The following PDE10A variants were observed in gnomAD, a reference collection of about 807,000 sequenced individuals.
The protein encoded by PDE10A is cAMP and cAMP-inhibited cGMP 3',5'-cyclic phosphodiesterase 10A.
Under a neutral mutation model 97.7 loss-of-function variants are expected in PDE10A, and 39 were observed. The observed-to-expected ratio is 0.40, with a 90% CI of 0.31 to 0.52. The LOEUF (loss-of-function observed/expected upper bound fraction) is 0.52. Among genes scored for constraint, PDE10A ranks in the 20% least tolerant of loss-of-function variants. PDE10A has a pLI of 0.56. For missense variants in PDE10A, 731 were observed against 1,047.8 expected (o/e 0.70, Z 4.17); for synonymous variants, 371 against 376.8 (o/e 0.98, Z 0.18).
intron 1 of PDE10A, among the ~76,000 whole-genome samples, chr6:165,784,883 G>A (rs1366829198): frequency 6.6e-6 from 1 of 152,210 alleles, no homozygotes; most frequent in Non-Finnish European, 1.5e-5. Context: ...AGGGGGAGTT[G>A]GGGCTGAGAC....
intron 1 of PDE10A, among the ~76,000 whole-genome samples, chr6:165,933,634 ACT>A (rs1485706206): frequency 6.6e-6 from 1 of 152,098 alleles, no homozygotes; most frequent in African/African-American, 2.4e-5. Flanking sequence ...CCCTGAGGAA[ACT>A]CTCCCTGGTT....
At chr6:165,726,395 T>C (rs994309332) in intron 1 of PDE10A, among the ~76,000 whole-genome samples, 2 of 152,252 alleles carry the variant, frequency 1.3e-5, no homozygotes, top group Admixed American at 1.3e-4. Flanking sequence ...TCAACATTTA[T>C]ATAAATAGCT....
At chr6:165,850,141 G>A (rs994613072) in intron 1 of PDE10A, among the ~76,000 whole-genome samples, 1 of 152,240 alleles carries the variant, frequency 6.6e-6, no homozygotes, top group South Asian at 2.1e-4. Flanking sequence ...GTGTGAAACC[G>A]TGCTGATCCG....
At chr6:165,914,750 T>C (rs376885638) in intron 1 of PDE10A, among the ~76,000 whole-genome samples, 101 of 152,354 alleles carry the variant, frequency 6.6e-4, no homozygotes, top group African/African-American at 2.3e-3. Flanking sequence ...AGTGTGTTTG[T>C]CATCTCATAA....
At chr6:165,603,680 T>C (rs944147824) in intron 1 of PDE10A, among the ~76,000 whole-genome samples, 2 of 152,354 alleles carry the variant, frequency 1.3e-5, no homozygotes, top group African/African-American at 4.8e-5. Context: ...CTGTGTCCTA[T>C]GCGCAGAGCG....
intron 1 of PDE10A, among the ~76,000 whole-genome samples, chr6:165,563,346 G>A (rs1041605138): frequency 6.6e-6 from 1 of 152,014 alleles, no homozygotes; most frequent in Non-Finnish European, 1.5e-5. Context: ...ATAAACTTAA[G>A]CAATTTGCTT....
chr6:165,530,350 C>T (rs1464183632), intron 2 of PDE10A, among the ~76,000 whole-genome samples: 4 of 150,684 alleles, frequency 2.7e-5, no homozygotes, highest in Non-Finnish European at 5.9e-5. Flanking sequence ...AAACAACCAC[C>T]AAGAAAGTGG....
chr6:165,607,781 A>T (rs1787281616), intron 1 of PDE10A, among the ~76,000 whole-genome samples: 1 of 152,134 alleles, frequency 6.6e-6, no homozygotes, highest in Admixed American at 6.5e-5. Context: ...GCACGTGTTT[A>T]ACAGCATCAA....
chr6:165,634,620 G>GA (rs1554298456), intron 1 of PDE10A, among the ~76,000 whole-genome samples: 6 of 152,116 alleles, frequency 3.9e-5, no homozygotes, highest in Non-Finnish European at 7.4e-5. Flanking sequence ...ACAGAAGCAG[G>GA]AAAGGAGATA....
intron 1 of PDE10A, among the ~76,000 whole-genome samples, chr6:165,784,170 A>C (rs1183454386): frequency 6.6e-6 from 1 of 151,924 alleles, no homozygotes; most frequent in Non-Finnish European, 1.5e-5. Context: ...CAGTGAGCCA[A>C]GATGACACCA....
intron 1 of PDE10A, among the ~76,000 whole-genome samples, chr6:165,737,054 G>A (rs959451957): frequency 6.6e-6 from 1 of 152,086 alleles, no homozygotes; most frequent in African/African-American, 2.4e-5. Context: ...TGAAACAATA[G>A]ATAAGTTTCT....
intron 1 of PDE10A, among the ~76,000 whole-genome samples, chr6:165,912,540 G>A (rs1782491834): frequency 6.6e-6 from 1 of 152,166 alleles, no homozygotes; most frequent in Non-Finnish European, 1.5e-5. Flanking sequence ...TGCCTTTGAT[G>A]GTTGATTTTT....
chr6:165,714,333 G>A (rs1169786102), intron 1 of PDE10A, among the ~76,000 whole-genome samples: 1 of 152,246 alleles, frequency 6.6e-6, no homozygotes, highest in African/African-American at 2.4e-5. Context: ...GGGAACAGGA[G>A]TCACAGGTTT....
chr6:165,356,092 C>G (rs955896592), intron 18 of PDE10A, among the ~76,000 whole-genome samples: 4 of 152,112 alleles, frequency 2.6e-5, no homozygotes, highest in Non-Finnish European at 4.4e-5. Flanking sequence ...ACAACCAGAT[C>G]TGGGTGAGAA....
At chr6:165,670,550 C>A (rs775120209) in intron 1 of PDE10A, among the ~76,000 whole-genome samples, 2 of 152,204 alleles carry the variant, frequency 1.3e-5, no homozygotes, top group Non-Finnish European at 2.9e-5. Context: ...TGATTAAAAA[C>A]TTGGAATTGA....
chr6:165,456,355 A>C (rs145740845), intron 3 of PDE10A, among the ~76,000 whole-genome samples: 40 of 152,290 alleles, frequency 2.6e-4, no homozygotes, highest in African/African-American at 8.4e-4. Context: ...TGAATTCTTC[A>C]TTTTCCACGT....
At chr6:165,588,250 G>A (rs1786032465) in intron 1 of PDE10A, among the ~76,000 whole-genome samples, 2 of 150,422 alleles carry the variant, frequency 1.3e-5, no homozygotes, top group African/African-American at 2.5e-5. Flanking sequence ...AACTGCTGGA[G>A]AGTGAGGGAA....
At chr6:165,950,131 T>C (rs370255047) in intron 1 of PDE10A, among the ~76,000 whole-genome samples, 1 of 152,216 alleles carries the variant, frequency 6.6e-6, no homozygotes, top group East Asian at 1.9e-4. Flanking sequence ...TGAAGTCAGA[T>C]TGGCTTGAAA....
intron 1 of PDE10A, among the ~76,000 whole-genome samples, chr6:165,842,664 C>G (rs924153510): frequency 4.6e-5 from 7 of 152,172 alleles, no homozygotes; most frequent in African/African-American, 1.7e-4. Context: ...GGGCCAAGGA[C>G]GGTCATAAGC....
Sources: gnomAD v4.1 joint callset for allele counts (sites outside exome capture counted in the v4.1 genomes callset) on GRCh38, gnomAD v4.1.1 for gene constraint, MANE v1.5 for transcripts, NCBI Gene and HGNC (gene_info 2026-07-23, HGNC 2026-07-21) for gene names.